Variants in LY96 observed in about 807,000 individuals in gnomAD.
LY96 encodes the protein myeloid differentiation protein-2.
In LY96, 18 loss-of-function variants were observed where a neutral mutation model predicts 18.9. That is an observed-to-expected ratio of 0.95 (90% CI 0.66 to 1.41). The LOEUF is 1.41. LY96 is among the 40% of genes most tolerant of loss of function. The probability of loss-of-function intolerance (pLI) is 0.00; values close to 1 mark genes in which losing one functional copy is unlikely to be tolerated. For missense variants in LY96, 175 were observed against 182.4 expected (o/e 0.96, Z 0.23); for synonymous variants, 66 against 62.6 (o/e 1.06, Z -0.26).
intron 4 of LY96, 22 bp downstream of exon 4, chr8:74,026,863 G>T (rs764382260): frequency 3.2e-6 from 4 of 1,240,580 alleles, no homozygotes; most frequent in African/African-American, 1.5e-5. Flanking sequence ...GATTTATTTT[G>T]TACTGTCTAA....
chr8:74,040,925 A>T, the LY96 span, among the ~76,000 whole-genome samples: 3 of 152,110 alleles, frequency 2.0e-5, no homozygotes, highest in Admixed American at 1.3e-4. Context: ...GATGGTCTTG[A>T]TCTCCTGACC....
At chr8:74,069,859 C>T in the LY96 span, among the ~76,000 whole-genome samples, 1 of 152,170 alleles carries the variant, frequency 6.6e-6, no homozygotes, top group Non-Finnish European at 1.5e-5. Context: ...GCCTTGGCCT[C>T]CCAAAGTGCT....
At chr8:74,070,098 CTT>C in the LY96 span, among the ~76,000 whole-genome samples, 1 of 145,722 alleles carries the variant, frequency 6.9e-6, no homozygotes. Flanking sequence ...AATTTTCTTT[CTT>C]TTTTTTTTTG....
At chr8:74,081,087 C>CTTTCTT in the LY96 span, among the ~76,000 whole-genome samples, 12 of 93,024 alleles carry the variant, frequency 1.3e-4, no homozygotes, top group East Asian at 3.2e-3. Context: ...TTCTCTTTCT[C>CTTTCTT]TCTTTCTTTC....
chr8:74,076,548 C>A, the LY96 span, among the ~76,000 whole-genome samples: 1 of 151,916 alleles, frequency 6.6e-6, no homozygotes, highest in African/African-American at 2.4e-5. Flanking sequence ...TAGTCTTGAA[C>A]CCTTGATCTC....
At chr8:74,029,109 AC>A, downstream of LY96, 1 of 1,044,194 alleles carries the variant, frequency 9.6e-7, no homozygotes, top group Non-Finnish European at 1.5e-6. Context: ...TTTTAAGGGT[AC>A]CCAGGATTTG....
the LY96 span, among the ~76,000 whole-genome samples, chr8:74,084,339 T>G: frequency 4.6e-5 from 7 of 152,168 alleles, no homozygotes; most frequent in African/African-American, 1.4e-4. Flanking sequence ...GGTTGCTCAG[T>G]GGTAATACTC....
chr8:74,077,131 G>C, the LY96 span, among the ~76,000 whole-genome samples: 1 of 152,180 alleles, frequency 6.6e-6, no homozygotes, highest in African/African-American at 2.4e-5. Flanking sequence ...AGAGTGGTTC[G>C]TGGCTCTTCT....
the LY96 span, among the ~76,000 whole-genome samples, chr8:74,081,454 C>T: frequency 6.7e-6 from 1 of 150,266 alleles, no homozygotes; most frequent in South Asian, 2.1e-4. Flanking sequence ...GAGAGAAGTT[C>T]TTCCTGTGTT....
chr8:74,032,285 C>T (rs1393300126), downstream of LY96, among the ~76,000 whole-genome samples: 2 of 152,222 alleles, frequency 1.3e-5, no homozygotes, highest in Admixed American at 1.3e-4. Flanking sequence ...GACCACCCCT[C>T]ATATTGTCTT....
At chr8:73,996,895 C>T (rs769841960) in intron 1 of LY96, among the ~76,000 whole-genome samples, 1 of 151,460 alleles carries the variant, frequency 6.6e-6, no homozygotes, top group Non-Finnish European at 1.5e-5. Flanking sequence ...CAGGCCTGCG[C>T]CACCACACCC....
downstream of LY96, among the ~76,000 whole-genome samples, chr8:74,030,527 AG>A (rs1189207748): frequency 1.1e-4 from 17 of 152,194 alleles, no homozygotes; most frequent in African/African-American, 3.6e-4. Flanking sequence ...TAGAAACAAA[AG>A]GATGGGGTCT....
intron 1 of LY96, among the ~76,000 whole-genome samples, chr8:73,992,301 G>A (rs1382005100): frequency 6.6e-6 from 1 of 152,094 alleles, no homozygotes; most frequent in Non-Finnish European, 1.5e-5. Flanking sequence ...ACTTTCCACC[G>A]TGCTGCTTAC....
chr8:74,097,729 T>C, the LY96 span, among the ~76,000 whole-genome samples: 1 of 121,100 alleles, frequency 8.3e-6, no homozygotes, highest in Non-Finnish European at 1.7e-5. Flanking sequence ...AATAAATAAG[T>C]AAATAAATAA....
downstream of LY96, among the ~76,000 whole-genome samples, chr8:74,033,948 G>A (rs1817009444): frequency 6.6e-6 from 1 of 151,444 alleles, no homozygotes; most frequent in Admixed American, 6.6e-5. Flanking sequence ...CATATTTTTA[G>A]GCAAATTTCC....
the LY96 span, among the ~76,000 whole-genome samples, chr8:74,067,069 A>T: frequency 6.6e-6 from 1 of 152,234 alleles, no homozygotes; most frequent in Non-Finnish European, 1.5e-5. Flanking sequence ...TCATGTAGCA[A>T]GCTGCAGTTT....
chr8:74,001,831 C>T (rs151287153), intron 1 of LY96, among the ~76,000 whole-genome samples: 303 of 152,126 alleles, frequency 2.0e-3, no homozygotes, highest in African/African-American at 6.8e-3. Context: ...GAGCAGACCC[C>T]CGTATTTAAA....
At chr8:74,059,238 T>G in the LY96 span, among the ~76,000 whole-genome samples, 2 of 152,188 alleles carry the variant, frequency 1.3e-5, no homozygotes, top group Non-Finnish European at 2.9e-5. Context: ...AAAGAACAGC[T>G]GAAGAAATGA....
At chr8:74,018,603 A>C (rs539043654) in intron 3 of LY96, among the ~76,000 whole-genome samples, 6 of 152,334 alleles carry the variant, frequency 3.9e-5, no homozygotes, top group Admixed American at 2.0e-4. Context: ...TCTCCACCCC[A>C]AATCAACAGA....
Sources: gnomAD v4.1 joint callset for allele counts (sites outside exome capture counted in the v4.1 genomes callset) on GRCh38, gnomAD v4.1.1 for gene constraint, MANE v1.5 for transcripts, NCBI Gene and HGNC (gene_info 2026-07-23, HGNC 2026-07-21) for gene names.